Variants in PHF20L1 observed in about 807,000 individuals in gnomAD.
PHF20L1 encodes PHD finger protein 20 like 1, also known as PHD finger protein 20-like protein 1.
PHF20L1 carries 44 observed loss-of-function variants against 125.5 expected under a neutral mutation model. The ratio of observed to expected loss-of-function variants is 0.35; its 90% CI spans 0.28 to 0.45. The LOEUF (loss-of-function observed/expected upper bound fraction) is 0.45, where lower values mean the gene tolerates loss of function less well. Ranked by LOEUF, PHF20L1 falls within the 20% of genes least tolerant of loss-of-function variation. The probability of loss-of-function intolerance (pLI) is 1.00; values close to 1 mark genes in which losing one functional copy is unlikely to be tolerated. For missense variants in PHF20L1, 1,012 were observed against 1,217.2 expected (o/e 0.83, Z 2.51); for synonymous variants, 380 against 403.1 (o/e 0.94, Z 0.69).
chr8:132,806,110 C>T lies in PHF20L1; in HGVS notation c.847+1370C>T, dbSNP rs189312627. On this transcript the variant is annotated intron_variant, in intron 8 of 20. Coordinates refer to ENST00000395386, the MANE Select transcript of PHF20L1 (RefSeq NM_016018.5). ...TTGGAGGAGTCGAGATCAAAGAAGA[C>T]GGAGATGACACTGACATGATACAAC... Among the ~76,000 whole-genome samples, 50 of 152,008 alleles carry T rather than the reference C, an allele frequency of 3.3e-4. No individual in the cohort carries two copies. In the South Asian group the frequency reaches 6.4e-3, roughly 20 times the overall value.
At chr8:132,792,365 A>T (rs1831827490) in intron 2 of PHF20L1, among the ~76,000 whole-genome samples, 2 of 152,190 alleles carry the variant, frequency 1.3e-5, no homozygotes, top group African/African-American at 4.8e-5. Flanking sequence ...GCAACACTGC[A>T]AAAGACAAGT....
intron 3 of PHF20L1, 63 bp downstream of exon 3, chr8:132,794,644 G>GT: frequency 6.7e-7 from 1 of 1,495,146 alleles, no homozygotes; most frequent in South Asian, 1.2e-5. Context: ...ATTTTAAAAG[G>GT]ATTCTGTTAA....
intron 20 of PHF20L1, among the ~76,000 whole-genome samples, chr8:132,844,590 A>G (rs753710622): frequency 2.0e-5 from 3 of 152,096 alleles, no homozygotes; most frequent in Non-Finnish European, 4.4e-5. Context: ...TAGATCACTT[A>G]TGGAATAAAT....
At chr8:132,803,574 C>A in intron 6 of PHF20L1, 1 of 420,378 alleles carries the variant, frequency 2.4e-6, no homozygotes. Flanking sequence ...GAAAATATAT[C>A]CATGGAATAC....
chr8:132,822,611 A>G (rs1835728032), intron 12 of PHF20L1, among the ~76,000 whole-genome samples: 2 of 152,136 alleles, frequency 1.3e-5, no homozygotes, highest in East Asian at 1.9e-4. Flanking sequence ...GCAAGTAGTA[A>G]ACAGAAGGGA....
At chr8:132,786,460 A>G (rs1383765374) in intron 2 of PHF20L1, among the ~76,000 whole-genome samples, 3 of 152,154 alleles carry the variant, frequency 2.0e-5, no homozygotes, top group Non-Finnish European at 4.4e-5. Flanking sequence ...AGAGATTAAA[A>G]GTAAAATTTT....
chr8:132,814,033 CTA>C (rs1048476518), intron 9 of PHF20L1, among the ~76,000 whole-genome samples: 13 of 151,142 alleles, frequency 8.6e-5, no homozygotes, highest in Admixed American at 2.6e-4. Flanking sequence ...TCTTTTAACT[CTA>C]TATTGCTGGT....
intron 2 of PHF20L1, among the ~76,000 whole-genome samples, chr8:132,783,663 A>C (rs977182505): frequency 1.3e-5 from 2 of 152,172 alleles, no homozygotes; most frequent in African/African-American, 4.8e-5. Context: ...ATTAATATGC[A>C]TGCAGTTTTT....
At position 132,846,745 on chromosome 8, in the gene PHF20L1, C is replaced by CTA. The variant is rs1037905552; in HGVS notation, c.*830_*831dup. On this transcript the variant is annotated 3_prime_UTR_variant, in exon 21 of 21. Transcript: ENST00000395386. ...ATCCAAAACCTATATATCACCTATA[C>CTA]TATATATATCATATATATAGTTGAA... The CTA allele has an allele frequency of 2.0e-4, 30 of 152,174 alleles. No individual in the cohort carries two copies. Among genetic ancestry groups the CTA allele is most frequent in the Non-Finnish European group, 3.4e-4 (23 of 67,908 alleles). 9.4% of individuals were successfully genotyped at this position (152,174 alleles called of 1,614,324 possible). A position where few individuals can be genotyped will look rare whatever the true frequency, so the allele number is the denominator to read the frequency against.
chr8:132,785,811 CA>C (rs1361211725), intron 2 of PHF20L1, among the ~76,000 whole-genome samples: 1 of 151,814 alleles, frequency 6.6e-6, no homozygotes, highest in South Asian at 2.1e-4. Context: ...TTCTTATTGC[CA>C]AAAAAGTTAC....
At chr8:132,836,151 G>A (rs10101478) in intron 15 of PHF20L1, among the ~76,000 whole-genome samples, 67,168 of 151,904 alleles carry the variant, frequency 0.44, 14,909 homozygotes, top group South Asian at 0.52. Context: ...GGACAGTGGT[G>A]TCACACTGAT....
At chr8:132,798,385 C>A (rs576508818) in intron 4 of PHF20L1, among the ~76,000 whole-genome samples, 1 of 152,106 alleles carries the variant, frequency 6.6e-6, no homozygotes, top group East Asian at 1.9e-4. Flanking sequence ...TGTATTACTT[C>A]TTTTGAAAGA....
intron 1 of PHF20L1, among the ~76,000 whole-genome samples, chr8:132,776,920 A>G (rs770561464): frequency 2.6e-5 from 4 of 152,204 alleles, no homozygotes; most frequent in African/African-American, 4.8e-5. Flanking sequence ...CATACCCATT[A>G]GTGAAAAAGA....
rs567589627 is a variant in PHF20L1, at chr8:132,812,570, C to A, written c.930+1442C>A. 1.7e-5 allele frequency: 17 copies of A among 983,726 alleles called. No homozygotes were observed. The African/African-American group carries it at 2.8e-4, about 16-fold the overall frequency. 60.9% of individuals were successfully genotyped at this position (983,726 alleles called of 1,614,324 possible). A position where few individuals can be genotyped will look rare whatever the true frequency, so the allele number is the denominator to read the frequency against. ...AGAGACCAACAATCATTAATGAAAA[C>A]CTTGTAAATTATTTTAGATTTTCAG... On this transcript the variant is annotated intron_variant, in intron 9 of 20. Coordinates refer to ENST00000395386, the MANE Select transcript of PHF20L1 (RefSeq NM_016018.5).
Position 132,844,251 on chromosome 8 carries a change from T to A in PHF20L1, c.2844T>A (p.Leu948=). 6.2e-7 allele frequency: 1 copy of A among 1,612,784 alleles called. No individual in the cohort carries two copies. The highest frequency in any genetic ancestry group is 2.2e-5 in the East Asian group (1 of 44,870). Reference sequence around the variant, plus strand: ...ATCTTCAGTGGCAGCTCAATCTCCTTACACACATAGAAAATGTGCAGAACG... The same window carrying A: ...ATCTTCAGTGGCAGCTCAATCTCCTAACACACATAGAAAATGTGCAGAACG... The part of the protein sequence containing the change: ...DSHLQWQLNL[L]THIENVQNEV... Residue 948 remains leucine (L), a synonymous_variant, in exon 20 of 21, where the codon CTT becomes CTA. Transcript: ENST00000395386.
chr8:132,811,576 T>C (rs1418720646), intron 9 of PHF20L1: 1 of 983,910 alleles, frequency 1.0e-6, no homozygotes, highest in Non-Finnish European at 1.2e-6. Context: ...GAGCCATACA[T>C]TTTTGCTAGG....
rs141863596 is a variant in PHF20L1, at chr8:132,838,989, A to G, written c.2192-398A>G. ...TCACAGACATGGGGGAAGGGTTCCT[A>G]TTCACTCAGCTAGAACTCTATGGTT... On this transcript the variant is annotated intron_variant, in intron 17 of 20. Coordinates refer to ENST00000395386, the MANE Select transcript of PHF20L1 (RefSeq NM_016018.5). 1.4e-4 allele frequency among the ~76,000 whole-genome samples: 21 copies of G among 152,268 alleles called. No individual in the cohort carries two copies. The East Asian group carries it at 3.5e-3, about 25-fold the overall frequency.
intron 2 of PHF20L1, among the ~76,000 whole-genome samples, chr8:132,783,485 CT>C (rs551314014): frequency 2.0e-5 from 3 of 152,042 alleles, no homozygotes; most frequent in Non-Finnish European, 2.9e-5. Context: ...TAAAAAGTTA[CT>C]TTTTTTCTAA....
rs1395799406 is a variant in PHF20L1, at chr8:132,837,760, G to A, written c.2140G>A (p.Glu714Lys). 6.2e-7 allele frequency: 1 copy of A among 1,613,044 alleles called. No homozygotes were observed. The highest frequency in any genetic ancestry group is 8.5e-7 in the Non-Finnish European group (1 of 1,179,466). Residue 714 changes from glutamate (E) to lysine (K), a missense_variant, in exon 17 of 21, where the codon GAG (glutamate) becomes AAG (lysine). Physicochemically the swap from Glu to Lys is moderately conservative, Grantham distance 56. Transcript: ENST00000395386. ...ACACAGCGTGTGCATGGGGCTGCTG[G>A]AGGAGAGCATTCCAGAGCAGTACAT... The part of the protein sequence containing the change: ...WQHSVCMGLL[E>K]ESIPEQYICY...
Sources: allele counts gnomAD v4.1 joint callset (sites outside exome capture counted in the v4.1 genomes callset), GRCh38; gene constraint gnomAD v4.1.1; transcripts MANE v1.5; gene names NCBI Gene and HGNC (gene_info 2026-07-23, HGNC 2026-07-21).